IKBKB: variants seen among roughly 807,000 people sequenced by gnomAD.
IKBKB encodes the protein inhibitor of nuclear factor kappa B kinase subunit beta.
A neutral mutation model predicts 113.6 loss-of-function variants in IKBKB; 42 were observed. The observed-to-expected ratio is 0.37, with a 90% CI of 0.29 to 0.48. The LOEUF (loss-of-function observed/expected upper bound fraction) is 0.48. Among genes scored for constraint, IKBKB ranks in the 20% least tolerant of loss-of-function variants. The pLI is 0.99. For missense variants in IKBKB, 673 were observed against 939.7 expected (o/e 0.72, Z 3.71); for synonymous variants, 296 against 361.3 (o/e 0.82, Z 2.05).
intron 5 of IKBKB, among the ~76,000 whole-genome samples, chr8:42,303,770 G>A (rs1010780940): frequency 1.2e-4 from 19 of 152,192 alleles, no homozygotes; most frequent in African/African-American, 4.6e-4. Flanking sequence ...GCCTCCCAAA[G>A]TGTTGGGATT....
At chr8:42,324,212 A>G (rs1195671550) in intron 19 of IKBKB, among the ~76,000 whole-genome samples, 1 of 152,156 alleles carries the variant, frequency 6.6e-6, no homozygotes, top group African/African-American at 2.4e-5. Context: ...GAAGGCCACA[A>G]TGGAGGATGA....
At chr8:42,286,799 G>C (rs1324787336) in intron 2 of IKBKB, among the ~76,000 whole-genome samples, 4 of 152,200 alleles carry the variant, frequency 2.6e-5, no homozygotes, top group Non-Finnish European at 1.5e-5. Flanking sequence ...GCCTAACAGG[G>C]CCTCTAGGAC....
chr8:42,278,815 AG>A (rs764291853), intron 2 of IKBKB, among the ~76,000 whole-genome samples: 44 of 152,176 alleles, frequency 2.9e-4, no homozygotes, highest in Non-Finnish European at 5.0e-4. Flanking sequence ...ACCAACGTGG[AG>A]AAACCCCGTC....
chr8:42,284,177 T>C (rs907994016), intron 2 of IKBKB, among the ~76,000 whole-genome samples: 1 of 152,164 alleles, frequency 6.6e-6, no homozygotes, highest in Non-Finnish European at 1.5e-5. Flanking sequence ...GGTCAAGGCA[T>C]CATCATAGGG....
At chr8:42,328,254 T>TA (rs1333147682) in intron 20 of IKBKB, among the ~76,000 whole-genome samples, 1 of 151,430 alleles carries the variant, frequency 6.6e-6, no homozygotes, top group African/African-American at 2.4e-5. Flanking sequence ...GCCCTTTTTT[T>TA]TTTTTTTTTT....
intron 4 of IKBKB, among the ~76,000 whole-genome samples, chr8:42,291,667 A>T (rs540519087): frequency 3.0e-4 from 46 of 151,734 alleles, no homozygotes; most frequent in Admixed American, 7.9e-4. Context: ...TTAAAAAAAA[A>T]TTTTTTTTTC....
At chr8:42,299,017 A>G (rs1563325927) in intron 5 of IKBKB, among the ~76,000 whole-genome samples, 1 of 151,652 alleles carries the variant, frequency 6.6e-6, no homozygotes, top group Non-Finnish European at 1.5e-5. Context: ...TTCTCACCAT[A>G]TTGTTCCCAG....
At chr8:42,307,032 A>G (rs1205822101) in intron 7 of IKBKB, among the ~76,000 whole-genome samples, 1 of 152,232 alleles carries the variant, frequency 6.6e-6, no homozygotes, top group African/African-American at 2.4e-5. Flanking sequence ...TTCAGAGCTT[A>G]GGGTTTAGCA....
chr8:42,292,007 G>A lies in IKBKB; in HGVS notation c.319-1436G>A, dbSNP rs567509908. On this transcript the variant is annotated intron_variant, in intron 4 of 21. Transcript: ENST00000520810. ...AAAGAAACTTTCCATGGGGCTTGGCGTGCTGGAGTGGCTCTCCCTGGAGAT... is the reference window on the plus strand; with the variant it reads ...AAAGAAACTTTCCATGGGGCTTGGCATGCTGGAGTGGCTCTCCCTGGAGAT... Among the ~76,000 whole-genome samples the A allele has an allele frequency of 9.2e-5, 14 of 152,322 alleles. No individual in the cohort carries two copies. The South Asian group carries it at 1.0e-3, about 11-fold the overall frequency.
intron 3 of IKBKB, among the ~76,000 whole-genome samples, chr8:42,289,051 C>G (rs1812022467): frequency 6.6e-6 from 1 of 152,154 alleles, no homozygotes; most frequent in South Asian, 2.1e-4. Context: ...CCCGTCTCTA[C>G]TAAAAATACA....
Position 42,316,017 on chromosome 8 carries a change from G to A in IKBKB, c.801-193G>A, listed in dbSNP as rs1197501729. 1.3e-5 allele frequency among the ~76,000 whole-genome samples: 2 copies of A among 152,190 alleles called. No individual in the cohort carries two copies. Among genetic ancestry groups the A allele is most frequent in the African/African-American group, 2.4e-5 (1 of 41,454 alleles). Reference sequence around the variant, plus strand: ...GAGGTCAGCAATCTCTGATTTGGGGGTATTTTAGAATTCAGGAGAGAGGTG... The same window carrying A: ...GAGGTCAGCAATCTCTGATTTGGGGATATTTTAGAATTCAGGAGAGAGGTG... On this transcript the variant is annotated intron_variant, in intron 9 of 21. Coordinates refer to ENST00000520810, the MANE Select transcript of IKBKB (RefSeq NM_001556.3). The surrounding 1 kb of genome is among the most constrained non-coding windows in gnomAD (Gnocchi z 4.5).
intron 2 of IKBKB, among the ~76,000 whole-genome samples, chr8:42,285,421 A>T (rs1811223404): frequency 6.6e-6 from 1 of 152,126 alleles, no homozygotes; most frequent in African/African-American, 2.4e-5. Flanking sequence ...GCTGGACACA[A>T]TGACACATGC....
chr8:42,324,496 A>T (rs1820358610), intron 19 of IKBKB: 1 of 151,962 alleles, frequency 6.6e-6, no homozygotes, highest in Non-Finnish European at 1.5e-5. Context: ...AACTGGCCTC[A>T]AGAGATCTAC....
chr8:42,315,609 G>T (rs1489860723), intron 9 of IKBKB, among the ~76,000 whole-genome samples: 7 of 152,078 alleles, frequency 4.6e-5, no homozygotes, highest in Non-Finnish European at 1.0e-4. Flanking sequence ...AAGCTAGGAT[G>T]TGCCTATAAA....
At chr8:42,290,489 G>T (rs78013855) in intron 4 of IKBKB, among the ~76,000 whole-genome samples, 2,098 of 152,240 alleles carry the variant, frequency 0.014, 48 homozygotes, top group African/African-American at 0.048. Context: ...CACCAGGGAA[G>T]GGGTAAGGGC....
intron 19 of IKBKB, chr8:42,325,197 C>G (rs1217757432): frequency 3.0e-6 from 3 of 985,092 alleles, no homozygotes; most frequent in Non-Finnish European, 3.6e-6. Context: ...GCTCAGGTAG[C>G]TGGAATGGGA....
At chr8:42,307,817 G>A (rs1207907719) in intron 7 of IKBKB, among the ~76,000 whole-genome samples, 1 of 152,168 alleles carries the variant, frequency 6.6e-6, no homozygotes, top group Non-Finnish European at 1.5e-5. Context: ...ACCAGACATA[G>A]AGGTTGACCT....
chr8:42,277,526 C>G (rs932426010), intron 2 of IKBKB, among the ~76,000 whole-genome samples: 1 of 152,260 alleles, frequency 6.6e-6, no homozygotes, highest in South Asian at 2.1e-4. Flanking sequence ...CAGCTTCCTC[C>G]TCCTGCCGGC....
chr8:42,300,608 G>C (rs1814985366), intron 5 of IKBKB, among the ~76,000 whole-genome samples: 1 of 152,146 alleles, frequency 6.6e-6, no homozygotes, highest in Admixed American at 6.5e-5. Flanking sequence ...GTGATTCGGA[G>C]CTGTGATTCA....
Sources: allele counts gnomAD v4.1 joint callset (sites outside exome capture counted in the v4.1 genomes callset), GRCh38; gene constraint gnomAD v4.1.1; non-coding constraint Gnocchi (gnomAD v3.1); transcripts MANE v1.5; gene names NCBI Gene and HGNC (gene_info 2026-07-23, HGNC 2026-07-21).